BROX: variants seen among roughly 807,000 people sequenced by gnomAD.
BROX encodes BRO1 domain-containing protein BROX.
Under a neutral mutation model 61.0 loss-of-function variants are expected in BROX, and 53 were observed. That is an observed-to-expected ratio of 0.87 (90% CI 0.70 to 1.09). The LOEUF is 1.09. BROX is among the 50% of genes least tolerant of loss of function. The probability of loss-of-function intolerance (pLI) is 0.00; values close to 1 mark genes in which losing one functional copy is unlikely to be tolerated. For synonymous variants in BROX, 152 were observed against 160.2 expected, an observed-to-expected ratio of 0.95 and a Z score of 0.38; for missense variants, 489 against 472.0, an observed-to-expected ratio of 1.04 and a Z score of -0.33.
chr1:222,727,188 G>A lies in BROX; in HGVS notation c.601G>A (p.Glu201Lys), dbSNP rs769095263. 5.0e-6 allele frequency: 8 copies of A among 1,612,836 alleles called. No individual in the cohort carries two copies. The South Asian group carries it at 7.7e-5, about 16-fold the overall frequency. ...TACAGTAACAATTGCTCGAGCAATT[G>A]AACTAAAACATGCTCCTGGACTAAT... is the stretch of plus-strand genomic sequence containing the variant. ...AQEVTIARAIELKHAPGLIAA... is the reference protein window; with the variant it reads ...AQEVTIARAIKLKHAPGLIAA... The change falls in exon 8 of 13, where the codon GAA becomes AAA. Residue 201 changes from glutamate (E) to lysine (K), a missense_variant. Coordinates refer to ENST00000340934, the MANE Select transcript of BROX (RefSeq NM_144695.4).
rs1299508528 is a variant in BROX at position 222,733,382 on chromosome 1, C to T, written c.*668C>T. On this transcript the variant is annotated 3_prime_UTR_variant, in exon 13 of 13. Coordinates refer to ENST00000340934, the MANE Select transcript of BROX (RefSeq NM_144695.4). ...AGGCGTGATCCACTGCACCTGGCCTCAGGTATGTTTTTCTATCTACACACA... is the reference window on the plus strand; with the variant it reads ...AGGCGTGATCCACTGCACCTGGCCTTAGGTATGTTTTTCTATCTACACACA... The T allele has an allele frequency of 1.3e-5, 2 of 151,956 alleles. No individual in the cohort carries two copies. Among genetic ancestry groups the T allele is most frequent in the African/African-American group, 4.8e-5 (2 of 41,360 alleles). The allele number at this position is 151,956 out of a possible 1,614,324, so 9.4% of individuals were successfully genotyped here. A position where few individuals can be genotyped will look rare whatever the true frequency, so the allele number is the denominator to read the frequency against.
chr1:222,722,514 A>C lies in BROX; in HGVS notation c.401A>C (p.Asn134Thr), dbSNP rs1657174376. The change falls in exon 5 of 13, where the codon AAT becomes ACT. Residue 134 changes from asparagine (N) to threonine (T), a missense_variant and splice_region_variant. By Grantham distance (65) the Asn-to-Thr change is moderately conservative (BLOSUM62 0). Coordinates refer to ENST00000340934, the MANE Select transcript of BROX (RefSeq NM_144695.4). ...KYASRLAGKENITEDEAKEVH... is the reference protein window; with the variant it reads ...KYASRLAGKETITEDEAKEVH... ...GCTTCAAGACTGGCTGGAAAAGAAA[A>C]GTAAGTTAATAGGAGAGGATTGTGT... 1 of 1,593,704 alleles carries C rather than the reference A, an allele frequency of 6.3e-7. No individual in the cohort carries two copies. The highest frequency in any genetic ancestry group is 2.2e-5 in the East Asian group (1 of 44,720).
intron 11 of BROX, 82 bp downstream of exon 11, chr1:222,730,259 C>T: frequency 9.8e-7 from 1 of 1,021,396 alleles, no homozygotes; most frequent in Non-Finnish European, 1.3e-6. Flanking sequence ...TTAGTAATAT[C>T]ATTTCTGTTA....
At chr1:222,717,521 G>A (rs1484333607) in intron 2 of BROX, among the ~76,000 whole-genome samples, 3 of 152,236 alleles carry the variant, frequency 2.0e-5, no homozygotes. Context: ...TTTGAGTGCA[G>A]AATAGGCTTT....
intron 4 of BROX, 127 bp downstream of exon 4, chr1:222,719,486 AAATT>A (rs1436233601): frequency 1.6e-6 from 1 of 640,840 alleles, no homozygotes; most frequent in African/African-American, 1.8e-5. Flanking sequence ...TCTTACCAGG[AAATT>A]AATTAAAAGC....
chr1:222,726,546 A>T (rs777428719), intron 7 of BROX, among the ~76,000 whole-genome samples: 31 of 152,020 alleles, frequency 2.0e-4, no homozygotes, highest in Non-Finnish European at 2.9e-4. Context: ...GAGAAACCCC[A>T]TCTCCACTAA....
Position 222,734,626 on chromosome 1 carries a change from AC to A in BROX, c.*1913del, listed in dbSNP as rs1213968984. 1 of 152,222 alleles carries A rather than the reference AC, an allele frequency of 6.6e-6. No homozygotes were observed. Among genetic ancestry groups the A allele is most frequent in the Non-Finnish European group, 1.5e-5 (1 of 68,038 alleles). The allele number at this position is 152,222 out of a possible 1,614,324, so 9.4% of individuals were successfully genotyped here. A position where few individuals can be genotyped will look rare whatever the true frequency, so the allele number is the denominator to read the frequency against. On this transcript the variant is annotated 3_prime_UTR_variant, in exon 13 of 13. Transcript: ENST00000340934. ...TTATTTCAATATCTATGGAAAAAAC[AC>A]TTATTAAATCTCCCTGTATTTTATG...
rs751861894 is a variant in BROX, at chr1:222,728,844, G to A, written c.756+16G>A. 14 of 1,532,576 alleles carry A rather than the reference G, an allele frequency of 9.1e-6. No homozygotes were observed. The highest frequency in any genetic ancestry group is 2.7e-5 in the African/African-American group (2 of 73,880). 94.9% of individuals were successfully genotyped at this position (1,532,576 alleles called of 1,614,324 possible). On this transcript the variant is annotated intron_variant, in intron 9 of 12. Transcript: ENST00000340934. ...CACAGCTTATGTAAGTATTCACAAC[G>A]CTAAAAACAATGTAAATTATTGTTT...
rs752612899 is a variant in BROX at position 222,726,490 on chromosome 1, G to A, written c.581-678G>A. Among the ~76,000 whole-genome samples the A allele has an allele frequency of 3.9e-5, 6 of 152,124 alleles. No homozygotes were observed. In the South Asian group the frequency reaches 6.2e-4, roughly 16 times the overall value. Reference sequence around the variant, plus strand: ...TCAGCACTTTGGGTGGCCGAGGCAGGCAGATCACCTGAGGTTGGGAGTTCG... The same window carrying A: ...TCAGCACTTTGGGTGGCCGAGGCAGACAGATCACCTGAGGTTGGGAGTTCG... On this transcript the variant is annotated intron_variant, in intron 7 of 12. Coordinates refer to ENST00000340934, the MANE Select transcript of BROX (RefSeq NM_144695.4).
chr1:222,729,595 A>G (rs747934625), intron 9 of BROX, 25 bp from the exon 10 acceptor site: 1 of 1,581,568 alleles, frequency 6.3e-7, no homozygotes, highest in South Asian at 1.1e-5. Flanking sequence ...GAGAGAATGA[A>G]TAAAAAATTT....
chr1:222,727,279 T>G (rs377395947), intron 8 of BROX, 22 bp downstream of exon 8: 14 of 1,537,806 alleles, frequency 9.1e-6, no homozygotes, highest in East Asian at 6.7e-5. Flanking sequence ...ATTCTGTCGT[T>G]ACATTTTTAG....
rs1656162525 is a variant in BROX at position 222,712,849 on chromosome 1, C to T, written c.-110C>T. On this transcript the variant is annotated 5_prime_UTR_variant, in exon 1 of 13. Coordinates refer to ENST00000340934, the MANE Select transcript of BROX (RefSeq NM_144695.4). ...TTCCGTCACCCTGGTTCTGTAGTCT[C>T]GGTTCTCCGACTCCCTCTTTTTCTC... is the stretch of plus-strand genomic sequence containing the variant. 13 of 1,279,092 alleles carry T rather than the reference C, an allele frequency of 1.0e-5. No homozygotes were observed. The highest frequency in any genetic ancestry group is 1.2e-5 in the Non-Finnish European group (12 of 982,038). 79.2% of individuals were successfully genotyped at this position (1,279,092 alleles called of 1,614,324 possible).
At position 222,712,730 on chromosome 1, in the gene BROX, G is replaced by A; in HGVS notation, c.-229G>A. 7.7e-7 allele frequency: 1 copy of A among 1,290,588 alleles called. No homozygotes were observed. Among genetic ancestry groups the A allele is most frequent in the Non-Finnish European group, 1.0e-6 (1 of 989,702 alleles). The allele number at this position is 1,290,588 out of a possible 1,614,324, so 79.9% of individuals were successfully genotyped here. ...AGCGTTTTGAGGGGACTGCAACGCC[G>A]CGGCAATACCCGCCCCTGAGCTGCG... On this transcript the variant is annotated 5_prime_UTR_variant, in exon 1 of 13. Coordinates refer to ENST00000340934, the MANE Select transcript of BROX (RefSeq NM_144695.4).
intron 5 of BROX, 83 bp downstream of exon 5, chr1:222,722,597 A>C: frequency 1.0e-6 from 1 of 985,560 alleles, no homozygotes; most frequent in Non-Finnish European, 1.5e-6. Flanking sequence ...TCTATTTTAA[A>C]AAGTACCACT....
intron 2 of BROX, among the ~76,000 whole-genome samples, chr1:222,716,678 C>T (rs1656645392): frequency 6.6e-6 from 1 of 152,202 alleles, no homozygotes. Flanking sequence ...TCCTCTACAA[C>T]ACCAGAATTG....
intron 4 of BROX, among the ~76,000 whole-genome samples, chr1:222,721,742 G>A (rs781585844): frequency 1.3e-5 from 2 of 152,102 alleles, no homozygotes; most frequent in Non-Finnish European, 2.9e-5. Context: ...AATACTGATT[G>A]GCTAGGCATT....
chr1:222,715,121 G>T (rs1656489441), intron 1 of BROX: 1 of 152,114 alleles, frequency 6.6e-6, no homozygotes, highest in Admixed American at 6.5e-5. Context: ...CGTTCATCTG[G>T]TCCTGTGCCC....
At chr1:222,723,749 G>A (rs1657284348) in intron 5 of BROX, among the ~76,000 whole-genome samples, 1 of 152,084 alleles carries the variant, frequency 6.6e-6, no homozygotes, top group Non-Finnish European at 1.5e-5. Context: ...CATGATCTCG[G>A]CTCGCTGCAA....
intron 2 of BROX, among the ~76,000 whole-genome samples, chr1:222,716,708 T>C (rs139136009): frequency 7.4e-4 from 112 of 152,332 alleles, no homozygotes; most frequent in African/African-American, 2.6e-3. Context: ...GGTGGATACC[T>C]TATTACCAGA....
Sources: allele counts gnomAD v4.1 joint callset (sites outside exome capture counted in the v4.1 genomes callset), GRCh38; gene constraint gnomAD v4.1.1; transcripts MANE v1.5; gene names NCBI Gene and HGNC (gene_info 2026-07-23, HGNC 2026-07-21).